Variants in SGIP1 observed in about 807,000 individuals in gnomAD.
SGIP1 encodes SH3-containing GRB2-like protein 3-interacting protein 1.
In SGIP1, 38 loss-of-function variants were observed where a neutral mutation model predicts 107.5. The ratio of observed to expected loss-of-function variants is 0.35; its 90% confidence interval spans 0.27 to 0.46. The LOEUF is 0.46. SGIP1 is among the 20% of genes least tolerant of loss of function. SGIP1 has a pLI of 1.00. For synonymous variants in SGIP1, 365 were observed against 366.1 expected, an observed-to-expected ratio of 1.00 and a Z score of 0.03; for missense variants, 929 against 1,019.5, an observed-to-expected ratio of 0.91 and a Z score of 1.21.
intron 1 of SGIP1, among the ~76,000 whole-genome samples, chr1:66,586,660 GCAC>G (rs1306943639): frequency 6.6e-6 from 1 of 151,780 alleles, no homozygotes; most frequent in African/African-American, 2.4e-5. Flanking sequence ...TATGCTTTTA[GCAC>G]CACATCAGAA....
At chr1:66,734,352 CT>C (rs1382383635) in intron 21 of SGIP1, among the ~76,000 whole-genome samples, 2 of 151,930 alleles carry the variant, frequency 1.3e-5, no homozygotes, top group African/African-American at 4.8e-5. Context: ...ATGTTTGATA[CT>C]TACAATATAT....
At chr1:66,562,114 T>C (rs1420842375) in intron 1 of SGIP1, among the ~76,000 whole-genome samples, 2 of 151,864 alleles carry the variant, frequency 1.3e-5, no homozygotes, top group African/African-American at 4.8e-5. Flanking sequence ...AAAATCTGGC[T>C]TTCATTCACT....
At chr1:66,614,659 A>G (rs1431804407) in intron 1 of SGIP1, among the ~76,000 whole-genome samples, 1 of 152,140 alleles carries the variant, frequency 6.6e-6, no homozygotes, top group Non-Finnish European at 1.5e-5. Flanking sequence ...AGTAGACTTC[A>G]TAGATCCTTA....
intron 1 of SGIP1, among the ~76,000 whole-genome samples, chr1:66,591,290 A>T (rs1333846527): frequency 1.3e-5 from 2 of 152,208 alleles, no homozygotes; most frequent in Non-Finnish European, 2.9e-5. Context: ...ATTTTCTCAG[A>T]TAATTGTACC....
At chr1:66,599,417 G>A (rs957456381) in intron 1 of SGIP1, among the ~76,000 whole-genome samples, 2 of 152,062 alleles carry the variant, frequency 1.3e-5, no homozygotes, top group Admixed American at 6.5e-5. Context: ...GGTGACTGGG[G>A]CTACAGGGGC....
chr1:66,740,527 G>T, intron 22 of SGIP1, 131 bp from the exon 23 acceptor site: 1 of 664,064 alleles, frequency 1.5e-6, no homozygotes. Flanking sequence ...GAGAGACAGG[G>T]AATTTTTAAA....
At chr1:66,729,571 G>T in intron 20 of SGIP1, 152 bp downstream of exon 20, 1 of 1,094,538 alleles carries the variant, frequency 9.1e-7, no homozygotes, top group Non-Finnish European at 1.3e-6. Context: ...ACTTTTACCA[G>T]CTATCAAAAT....
chr1:66,536,919 C>T (rs890496492), intron 1 of SGIP1, among the ~76,000 whole-genome samples: 13 of 152,190 alleles, frequency 8.5e-5, no homozygotes, highest in African/African-American at 3.1e-4. Flanking sequence ...TTCAAAGGCA[C>T]TTCTCTACTT....
intron 24 of SGIP1, among the ~76,000 whole-genome samples, chr1:66,742,578 T>C (rs1328041599): frequency 6.8e-6 from 1 of 146,538 alleles, no homozygotes; most frequent in African/African-American, 2.5e-5. Flanking sequence ...CATGCCATTC[T>C]CCTGCCTCAG....
intron 21 of SGIP1, among the ~76,000 whole-genome samples, chr1:66,734,578 C>T (rs2094151196): frequency 6.7e-6 from 1 of 150,158 alleles, no homozygotes. Context: ...AATCTTGGCT[C>T]ACTGCAATGT....
Position 66,614,805 on chromosome 1 carries a change from C to T in SGIP1, c.11-11042C>T, listed in dbSNP as rs1264476645. Among the ~76,000 whole-genome samples, 12 of 126,124 alleles carry T rather than the reference C, an allele frequency of 9.5e-5. No individual in the cohort carries two copies. In the East Asian group the frequency reaches 1.8e-3, roughly 19 times the overall value. 82.7% of individuals were successfully genotyped at this position (126,124 alleles called of 152,430 possible). A position where few individuals can be genotyped will look rare whatever the true frequency, so the allele number is the denominator to read the frequency against. ...AATTCTAATAGGGGCTATGTTCCAG[C>T]TGTCTTTTTTTTTTTTTTTTTTTTT... On this transcript the variant is annotated intron_variant, in intron 1 of 24. Coordinates refer to ENST00000371037, the MANE Select transcript of SGIP1 (RefSeq NM_032291.4).
rs751942095 is a variant in SGIP1, at chr1:66,682,057, T to C, written c.1003T>C (p.Ser335Pro). Residue 335 changes from serine (S) to proline (P), a missense_variant, in exon 15 of 25, where the codon TCC becomes CCC. This residue lies in a region of SGIP1 where 588 missense variants were observed against 588.6 expected (regional missense o/e 1.00). Coordinates refer to ENST00000371037, the MANE Select transcript of SGIP1 (RefSeq NM_032291.4). The part of the protein sequence containing the change: ...PELTPREKVV[S>P]PPATPDNPAD... ...GTTGACTCCAAGGGAAAAAGTGGTG[T>C]CCCCACCAGCTACACCAGACAACCC... The C allele has an allele frequency of 6.2e-7, 1 of 1,614,110 alleles. No homozygotes were observed. The highest frequency in any genetic ancestry group is 1.7e-5 in the Admixed American group (1 of 60,024).
At chr1:66,585,625 A>G (rs2062496757) in intron 1 of SGIP1, among the ~76,000 whole-genome samples, 1 of 146,828 alleles carries the variant, frequency 6.8e-6, no homozygotes, top group Non-Finnish European at 1.5e-5. Context: ...GTTATTTTAC[A>G]CCCAGCTAAT....
At chr1:66,724,211 A>G (rs2093659445) in intron 19 of SGIP1, among the ~76,000 whole-genome samples, 1 of 152,216 alleles carries the variant, frequency 6.6e-6, no homozygotes, top group Non-Finnish European at 1.5e-5. Context: ...AATCCAGTGT[A>G]TAAGTCACTT....
At chr1:66,608,769 C>A (rs751830192) in intron 1 of SGIP1, among the ~76,000 whole-genome samples, 1 of 152,304 alleles carries the variant, frequency 6.6e-6, no homozygotes, top group East Asian at 1.9e-4. Flanking sequence ...CGGGAGGAGG[C>A]ACTGAGTGAG....
intron 1 of SGIP1, among the ~76,000 whole-genome samples, chr1:66,610,997 G>C (rs1404718736): frequency 1.3e-5 from 2 of 151,896 alleles, no homozygotes; most frequent in Non-Finnish European, 2.9e-5. Context: ...AGGGTGGGAG[G>C]GGGGTGAGGG....
chr1:66,679,578 C>A, intron 13 of SGIP1, 100 bp from the exon 14 acceptor site: 2 of 1,229,092 alleles, frequency 1.6e-6, no homozygotes, highest in Non-Finnish European at 1.1e-6. Flanking sequence ...TTTCCAATAG[C>A]AGGAATATAA....
chr1:66,582,405 G>A (rs1296675264), intron 1 of SGIP1, among the ~76,000 whole-genome samples: 1 of 152,000 alleles, frequency 6.6e-6, no homozygotes, highest in Non-Finnish European at 1.5e-5. Context: ...TATGAAAACA[G>A]GTCAGGTCTT....
chr1:66,691,124 A>T (rs893555471), intron 17 of SGIP1, among the ~76,000 whole-genome samples: 1 of 151,802 alleles, frequency 6.6e-6, no homozygotes, highest in Non-Finnish European at 1.5e-5. Context: ...CATTTTTCCC[A>T]TGGGATCCCC....
Sources: allele counts gnomAD v4.1 joint callset (sites outside exome capture counted in the v4.1 genomes callset), GRCh38; gene constraint gnomAD v4.1.1; regional missense constraint gnomAD v4.1.1; transcripts MANE v1.5; gene names NCBI Gene and HGNC (gene_info 2026-07-23, HGNC 2026-07-21).